The following MAP3K13 variants were observed in gnomAD, a reference collection of about 807,000 sequenced individuals.
The protein encoded by MAP3K13 is mitogen-activated protein kinase kinase kinase 13.
In MAP3K13, 52 loss-of-function variants were observed where a neutral mutation model predicts 104.0. The ratio of observed to expected loss-of-function variants is 0.50; its 90% CI spans 0.40 to 0.63. The LOEUF is 0.63. MAP3K13 is among the 20% of genes least tolerant of loss of function. The pLI is 0.00. For synonymous variants in MAP3K13, 394 were observed against 442.2 expected (o/e 0.89, Z 1.37); for missense variants, 914 against 1,218.5 (o/e 0.75, Z 3.72).
Position 185,382,993 on chromosome 3 carries a change from C to T in MAP3K13, c.-86+19625C>T, listed in dbSNP as rs1257595541. Among the ~76,000 whole-genome samples the T allele has an allele frequency of 1.3e-4, 19 of 150,176 alleles. No homozygotes were observed. In the East Asian group the frequency reaches 3.2e-3, roughly 25 times the overall value. On this transcript the variant is annotated intron_variant, in intron 1 of 13. Coordinates refer to ENST00000265026, the MANE Select transcript of MAP3K13 (RefSeq NM_004721.5). ...GTCATCTAGCATTAGGTATATCTCC[C>T]AATGCTATCCCTCCCCCCTCCCCCC...
At chr3:185,453,459 A>T (rs1577577367) in intron 7 of MAP3K13, among the ~76,000 whole-genome samples, 1 of 152,136 alleles carries the variant, frequency 6.6e-6, no homozygotes, top group Non-Finnish European at 1.5e-5. Context: ...TCTGATGAAA[A>T]CAGTCCTGAA....
intron 1 of MAP3K13, among the ~76,000 whole-genome samples, chr3:185,409,519 G>GT (rs1234967960): frequency 6.6e-6 from 1 of 152,170 alleles, no homozygotes; most frequent in Non-Finnish European, 1.5e-5. Flanking sequence ...AAATGGAACT[G>GT]TTATGCACTG....
At chr3:185,451,462 C>T in intron 7 of MAP3K13, 67 bp downstream of exon 7, 2 of 1,021,068 alleles carry the variant, frequency 2.0e-6, no homozygotes, top group Non-Finnish European at 3.1e-6. Context: ...AACAGAGTAA[C>T]TCTTAGAAGG....
At chr3:185,455,903 A>G (rs535639444) in intron 7 of MAP3K13, among the ~76,000 whole-genome samples, 1 of 142,870 alleles carries the variant, frequency 7.0e-6, no homozygotes, top group Admixed American at 7.3e-5. Context: ...TGAGATATAT[A>G]TGATATAGAT....
rs184653558 is a variant in MAP3K13, at chr3:185,428,014, G to A, written c.-85-483G>A. Among the ~76,000 whole-genome samples the A allele has an allele frequency of 1.5e-3, 232 of 151,782 alleles. 2 individuals are homozygous for A. In the East Asian group the frequency reaches 0.038, roughly 25 times the overall value. ...GAATCACTTCAACCTGGGAAGCGGAGGTTGCAGTGAGCCGAGATCGCGCCA... is the reference window on the plus strand; with the variant it reads ...GAATCACTTCAACCTGGGAAGCGGAAGTTGCAGTGAGCCGAGATCGCGCCA... On this transcript the variant is annotated intron_variant, in intron 1 of 13. Transcript: ENST00000265026.
chr3:185,286,256 G>T (rs899200358), intron 2 of MAP3K13, among the ~76,000 whole-genome samples: 3 of 151,838 alleles, frequency 2.0e-5, no homozygotes, highest in African/African-American at 7.3e-5. Context: ...TAATTGATCA[G>T]TTTGTTCATT....
At chr3:185,381,223 A>G (rs980763042) in intron 1 of MAP3K13, among the ~76,000 whole-genome samples, 12 of 152,172 alleles carry the variant, frequency 7.9e-5, no homozygotes, top group African/African-American at 2.4e-4. Context: ...CGGCCTCCCA[A>G]AGTGCTAGGA....
intron 1 of MAP3K13, among the ~76,000 whole-genome samples, chr3:185,363,937 A>G (rs1723756168): frequency 6.6e-6 from 1 of 152,192 alleles, no homozygotes; most frequent in Admixed American, 6.5e-5. Flanking sequence ...GTATTTATAT[A>G]TATTCATAGC....
intron 1 of MAP3K13, among the ~76,000 whole-genome samples, chr3:185,366,615 C>G (rs1723901038): frequency 6.6e-6 from 1 of 152,140 alleles, no homozygotes. Flanking sequence ...TCTATCTTTT[C>G]TATTAGAACC....
chr3:185,454,412 G>GAT (rs1296551121), intron 7 of MAP3K13, among the ~76,000 whole-genome samples: 3 of 72,782 alleles, frequency 4.1e-5, no homozygotes, highest in African/African-American at 1.6e-4. Context: ...ATATATATGA[G>GAT]ATATATGAGA....
chr3:185,471,196 C>G (rs997165598), intron 10 of MAP3K13, among the ~76,000 whole-genome samples: 59 of 151,836 alleles, frequency 3.9e-4, no homozygotes, highest in African/African-American at 1.3e-3. Context: ...TTTTGGCTAA[C>G]TTTCTAAAAC....
intron 1 of MAP3K13, among the ~76,000 whole-genome samples, chr3:185,284,775 T>G (rs1284611209): frequency 4.6e-5 from 7 of 151,564 alleles, no homozygotes; most frequent in South Asian, 2.1e-4. Context: ...TAAAAATTAA[T>G]TTTAAAAATG....
intron 2 of MAP3K13, among the ~76,000 whole-genome samples, chr3:185,341,477 T>G (rs775946334): frequency 6.6e-6 from 1 of 152,210 alleles, no homozygotes; most frequent in Non-Finnish European, 1.5e-5. Context: ...AAGAAAAAAT[T>G]TCTGTTGTTT....
intron 10 of MAP3K13, among the ~76,000 whole-genome samples, chr3:185,472,598 T>G (rs1426370654): frequency 1.3e-5 from 2 of 152,222 alleles, no homozygotes; most frequent in Non-Finnish European, 2.9e-5. Flanking sequence ...CGTCAATGTT[T>G]TCACCATTCT....
chr3:185,481,534 C>T (rs1482116899), intron 13 of MAP3K13, among the ~76,000 whole-genome samples: 2 of 152,122 alleles, frequency 1.3e-5, no homozygotes, highest in Admixed American at 6.5e-5. Context: ...CCACTCCATA[C>T]CCTGACTCTT....
chr3:185,301,409 C>T (rs1236987742), intron 2 of MAP3K13, among the ~76,000 whole-genome samples: 1 of 151,802 alleles, frequency 6.6e-6, no homozygotes, highest in Non-Finnish European at 1.5e-5. Context: ...TTAAGGTTGC[C>T]TTTTCACTCT....
At chr3:185,461,200 T>C (rs914032781) in intron 7 of MAP3K13, among the ~76,000 whole-genome samples, 1 of 152,198 alleles carries the variant, frequency 6.6e-6, no homozygotes, top group African/African-American at 2.4e-5. Flanking sequence ...AGTAGTGTAT[T>C]CTGATGAGAT....
At chr3:185,357,447 T>TA (rs71162295) in intron 2 of MAP3K13, among the ~76,000 whole-genome samples, 9,370 of 91,274 alleles carry the variant, frequency 0.1, 497 homozygotes, top group East Asian at 0.22. Flanking sequence ...AAACTCCATC[T>TA]AAAAAAAAAA....
intron 12 of MAP3K13, among the ~76,000 whole-genome samples, chr3:185,479,547 A>G (rs894671972): frequency 6.6e-6 from 1 of 152,220 alleles, no homozygotes; most frequent in African/African-American, 2.4e-5. Flanking sequence ...ATATATGTAC[A>G]TAACGTGATT....
Sources: allele counts gnomAD v4.1 joint callset (sites outside exome capture counted in the v4.1 genomes callset), GRCh38; gene constraint gnomAD v4.1.1; transcripts MANE v1.5; gene names NCBI Gene and HGNC (gene_info 2026-07-23, HGNC 2026-07-21).